Variants in JMJD1C observed in about 807,000 individuals in gnomAD.
JMJD1C encodes jumonji domain-containing protein 1C.
Under a neutral mutation model 245.3 loss-of-function variants are expected in JMJD1C, and 31 were observed. The observed-to-expected ratio is 0.13, with a 90% confidence interval of 0.09 to 0.17. The LOEUF is 0.17. Among genes scored for constraint, JMJD1C ranks in the 10% least tolerant of loss-of-function variants. The probability of loss-of-function intolerance (pLI) is 1.00; values close to 1 mark genes in which losing one functional copy is unlikely to be tolerated. For synonymous variants in JMJD1C, 1,057 were observed against 1,017.4 expected (o/e 1.04, Z -0.74); for missense variants, 2,691 against 3,000.2 (o/e 0.90, Z 2.41).
intron 17 of JMJD1C, among the ~76,000 whole-genome samples, chr10:63,189,731 A>T (rs569785447): frequency 1.3e-5 from 2 of 152,106 alleles, no homozygotes; most frequent in East Asian, 3.9e-4. Flanking sequence ...TACATTTTTT[A>T]AAATTTTTAA....
intron 1 of JMJD1C, among the ~76,000 whole-genome samples, chr10:63,520,516 A>C (rs1352551917): frequency 6.6e-6 from 1 of 152,186 alleles, no homozygotes; most frequent in Non-Finnish European, 1.5e-5. Context: ...AAAAAAAAAA[A>C]AAAAACAGTT....
rs535161030 is a variant in JMJD1C at position 63,457,086 on chromosome 10, A to G, written c.168+8409T>C. ...TTATGAAAAACTGCTCTTGTGTTTT[A>G]AAAATTTCAGCTTAGTTTTTAATAC... On this transcript the variant is annotated intron_variant, in intron 1 of 25. Coordinates refer to ENST00000399262, the MANE Select transcript of JMJD1C (RefSeq NM_032776.3). Among the ~76,000 whole-genome samples the G allele has an allele frequency of 4.6e-5, 7 of 152,314 alleles. No individual in the cohort carries two copies. The East Asian group carries it at 7.7e-4, about 17-fold the overall frequency.
chr10:63,482,417 C>T (rs188703485), intron 1 of JMJD1C, among the ~76,000 whole-genome samples: 16 of 152,230 alleles, frequency 1.1e-4, no homozygotes, highest in African/African-American at 3.1e-4. Context: ...AGGCGGATCA[C>T]CTGAAGTCAG....
chr10:63,183,956 T>C (rs1292367216), intron 21 of JMJD1C, among the ~76,000 whole-genome samples: 1 of 152,172 alleles, frequency 6.6e-6, no homozygotes, highest in East Asian at 1.9e-4. Flanking sequence ...TGAGAAGGAG[T>C]CTCGCTCTGT....
At chr10:63,427,638 C>A in intron 1 of JMJD1C, 1 of 1,345,408 alleles carries the variant, frequency 7.4e-7, no homozygotes, top group Non-Finnish European at 1.1e-6. Context: ...AGTGTGTTTA[C>A]TGTATGAACT....
In JMJD1C at chr10:63,207,544, G is replaced by A. The variant is rs2133151362; in HGVS notation, c.4125C>T (p.Val1375=). 1 of 1,614,192 alleles carries A rather than the reference G, an allele frequency of 6.2e-7. No homozygotes were observed. The change falls in exon 10 of 26, where the codon GTC becomes GTT. Residue 1375 remains valine, a synonymous_variant. Coordinates refer to ENST00000399262, the MANE Select transcript of JMJD1C (RefSeq NM_032776.3). ...CTGAACTGGGAACACTGCCCTGTGA[G>A]ACAGCCTGAAAGTTTTTTTCAGATT... ...HTKSEKNFQA[V]SQGSVPSSVM... is the part of the protein sequence containing the mutation.
At chr10:63,519,214 C>T (rs956229475) in intron 1 of JMJD1C, among the ~76,000 whole-genome samples, 2 of 152,166 alleles carry the variant, frequency 1.3e-5, no homozygotes, top group African/African-American at 4.8e-5. Flanking sequence ...TGAAACTTAA[C>T]GCACAGCAGT....
chr10:63,228,535 A>G (rs1849579765), intron 3 of JMJD1C, among the ~76,000 whole-genome samples: 1 of 152,218 alleles, frequency 6.6e-6, no homozygotes, highest in Admixed American at 6.5e-5. Context: ...AAAATTAAAA[A>G]GGAAAAGATA....
At chr10:63,259,660 A>G (rs1288941212) in intron 3 of JMJD1C, among the ~76,000 whole-genome samples, 1 of 152,246 alleles carries the variant, frequency 6.6e-6, no homozygotes, top group Non-Finnish European at 1.5e-5. Context: ...GGCACAGTCC[A>G]GACACATTCA....
chr10:63,339,862 T>G (rs1232862391), intron 2 of JMJD1C, among the ~76,000 whole-genome samples: 1 of 152,174 alleles, frequency 6.6e-6, no homozygotes, highest in Non-Finnish European at 1.5e-5. Context: ...ACTGCAAGAT[T>G]TTTTTACTCC....
chr10:63,214,849 C>A lies in JMJD1C; in HGVS notation c.1318G>T (p.Asp440Tyr). ...TTCTCTGCTTCTTCATGTTTTTTAT[C>A]TTCCTGTATTTGATCCCAGGGAGGC... is the stretch of plus-strand genomic sequence containing the variant. ...SQPPWDQIQE[D>Y]KKHEEAEKRK... Residue 440 changes from aspartate to tyrosine, a missense_variant, in exon 8 of 26, where the codon GAT becomes TAT. Asp to Tyr is a radical substitution (Grantham distance 160). Around this residue, in one of 9 missense-constraint regions of JMJD1C, gnomAD observed 1,562 missense variants for 1,490.7 expected, o/e 1.05. Transcript: ENST00000399262. The A allele has an allele frequency of 6.2e-7, 1 of 1,613,958 alleles. No homozygotes were observed. The highest frequency in any genetic ancestry group is 8.5e-7 in the Non-Finnish European group (1 of 1,179,974).
chr10:63,181,200 T>TA (rs1168194910), intron 22 of JMJD1C, among the ~76,000 whole-genome samples: 2 of 152,170 alleles, frequency 1.3e-5, no homozygotes, highest in African/African-American at 4.8e-5. Context: ...ATGTTCTCTT[T>TA]AAAAAATGAC....
At chr10:63,173,502 G>A (rs928846505) in intron 24 of JMJD1C, among the ~76,000 whole-genome samples, 2 of 152,130 alleles carry the variant, frequency 1.3e-5, no homozygotes, top group African/African-American at 4.8e-5. Context: ...CAGGAAGATT[G>A]CCTGAGCTTA....
intron 2 of JMJD1C, among the ~76,000 whole-genome samples, chr10:63,277,248 C>G (rs1315229352): frequency 6.7e-6 from 1 of 148,964 alleles, no homozygotes; most frequent in Admixed American, 6.7e-5. Context: ...GAATGTGTAG[C>G]CTCGCCTCCC....
At chr10:63,391,434 C>T (rs1407606084) in intron 1 of JMJD1C, among the ~76,000 whole-genome samples, 1 of 151,964 alleles carries the variant, frequency 6.6e-6, no homozygotes, top group East Asian at 1.9e-4. Flanking sequence ...GGTGTGAACT[C>T]GGGAGGCAGA....
At chr10:63,389,594 CAT>C (rs1321088596) in intron 1 of JMJD1C, among the ~76,000 whole-genome samples, 2 of 151,868 alleles carry the variant, frequency 1.3e-5, no homozygotes, top group African/African-American at 4.8e-5. Flanking sequence ...CTAAAGAACA[CAT>C]ATTCTTCTCA....
chr10:63,382,820 C>G (rs1261948362), intron 1 of JMJD1C: 1 of 455,852 alleles, frequency 2.2e-6, no homozygotes. Flanking sequence ...TTTCCATTTC[C>G]ACTTATTTGA....
chr10:63,345,344 G>A (rs939791008), intron 2 of JMJD1C, among the ~76,000 whole-genome samples: 11 of 151,938 alleles, frequency 7.2e-5, no homozygotes, highest in African/African-American at 9.7e-5. Flanking sequence ...AAAATTAGCC[G>A]GGCGTGGTGG....
intron 1 of JMJD1C, among the ~76,000 whole-genome samples, chr10:63,420,315 A>G (rs947247714): frequency 6.6e-6 from 1 of 152,320 alleles, no homozygotes; most frequent in East Asian, 1.9e-4. Context: ...AATGCCAACA[A>G]AAGTACCACA....
Sources: gnomAD v4.1 joint callset for allele counts (sites outside exome capture counted in the v4.1 genomes callset) on GRCh38, gnomAD v4.1.1 for gene constraint, gnomAD v4.1.1 regional missense constraint, MANE v1.5 for transcripts, NCBI Gene and HGNC (gene_info 2026-07-23, HGNC 2026-07-21) for gene names.